CEACAM6: variants seen among roughly 807,000 people sequenced by gnomAD.
The protein encoded by CEACAM6 is cell adhesion molecule CEACAM6.
A neutral mutation model predicts 32.4 loss-of-function variants in CEACAM6; 21 were observed. That is an observed-to-expected ratio of 0.65 (90% CI 0.46 to 0.93). CEACAM6 has a LOEUF of 0.93. Among genes scored for constraint, CEACAM6 ranks in the 40% least tolerant of loss-of-function variants. The pLI is 0.00. For missense variants in CEACAM6, 406 were observed against 432.2 expected (o/e 0.94, Z 0.54); for synonymous variants, 184 against 174.4 (o/e 1.06, Z -0.43).
intron 5 of CEACAM6, among the ~76,000 whole-genome samples, chr19:41,770,308 A>G (rs562097249): frequency 6.6e-6 from 1 of 150,864 alleles, no homozygotes; most frequent in East Asian, 2.0e-4. Flanking sequence ...CTGTAATCCC[A>G]GTTACTCGGG....
At position 41,766,317 on chromosome 19, in the gene CEACAM6, C is replaced by A; in HGVS notation, c.*40+18C>A. Reference sequence around the variant, plus strand: ...ACTGGCAGGTATGATCGCCTTTCCTCTTGCCATGTTTCCTGCAGGGCTGAC... The same window carrying A: ...ACTGGCAGGTATGATCGCCTTTCCTATTGCCATGTTTCCTGCAGGGCTGAC... On this transcript the variant is annotated intron_variant, in intron 5 of 5. Transcript: ENST00000199764. 1 of 1,342,708 alleles carries A rather than the reference C, an allele frequency of 7.4e-7. No individual in the cohort carries two copies. The highest frequency in any genetic ancestry group is 1.0e-6 in the Non-Finnish European group (1 of 972,122). The allele number at this position is 1,342,708 out of a possible 1,614,324, so 83.2% of individuals were successfully genotyped here.
Position 41,766,243 on chromosome 19 carries a change from G to T in CEACAM6, c.1019G>T (p.Arg340Met), listed in dbSNP as rs782283094. ...GGCATCACGATTGGAGTGCTGGCCA[G>T]GGTGGCTCTGATATAGCAGCCCTGG... ...TVGITIGVLARVALI is the reference protein window; with the variant it reads ...TVGITIGVLAMVALI The change falls in exon 5 of 6, where the codon AGG becomes ATG. Residue 340 changes from arginine (R) to methionine (M), a missense_variant. By Grantham distance (91) the Arg-to-Met change is moderately conservative. Transcript: ENST00000199764. 2 of 1,602,130 alleles carry T rather than the reference G, an allele frequency of 1.2e-6. No individual in the cohort carries two copies. The highest frequency in any genetic ancestry group is 4.6e-5 in the East Asian group (2 of 43,574).
Position 41,769,224 on chromosome 19 carries a change from CA to C in CEACAM6, c.*41-1577del, listed in dbSNP as rs2072977227. 2.0e-5 allele frequency among the ~76,000 whole-genome samples: 3 copies of C among 152,292 alleles called. No homozygotes were observed. In the South Asian group the frequency reaches 6.2e-4, roughly 32 times the overall value. On this transcript the variant is annotated intron_variant, in intron 5 of 5. Transcript: ENST00000199764. ...CCTCCCAAAGTGCTCGGATTACAGG[CA>C]TGAACCACCGCGCCCAGCCCCGACA... is the stretch of plus-strand genomic sequence containing the variant.
At chr19:41,770,731 A>G (rs1555822910) in intron 5 of CEACAM6, 71 bp from the exon 6 acceptor site, 1 of 152,208 alleles carries the variant, frequency 6.6e-6, no homozygotes, top group Admixed American at 6.5e-5. Flanking sequence ...TATGTTGAAA[A>G]AAACTATAGT....
At chr19:41,770,239 GTC>G (rs2072985235) in intron 5 of CEACAM6, among the ~76,000 whole-genome samples, 1 of 134,430 alleles carries the variant, frequency 7.4e-6, no homozygotes, top group Non-Finnish European at 1.5e-5. Context: ...GCAAAACCTC[GTC>G]TCTGCTAAAA....
intron 4 of CEACAM6, among the ~76,000 whole-genome samples, chr19:41,763,691 G>C (rs1200215501): frequency 6.6e-6 from 1 of 152,180 alleles, no homozygotes; most frequent in African/African-American, 2.4e-5. Context: ...TAAGGACTTG[G>C]GTGGACTGAG....
Position 41,756,453 on chromosome 19 carries a change from GACACACACACACACACACAC to G in CEACAM6, c.65-126_65-107del, listed in dbSNP as rs4060857. Reference sequence around the variant, plus strand: ...CACACTGCTGACTTTGACTCAGTAGGACACACACACACACACACACACACACACACACACACACACGCTCC... The same window carrying G: ...CACACTGCTGACTTTGACTCAGTAGGACACACACACACACACACACGCTCC... On this transcript the variant is annotated intron_variant, in intron 1 of 5. Transcript: ENST00000199764. 3,464 of 920,686 alleles carry G rather than the reference GACACACACACACACACACAC, an allele frequency of 3.8e-3. 73 individuals carry two copies. The African/African-American group carries it at 0.05, about 13-fold the overall frequency. 57.0% of individuals were successfully genotyped at this position (920,686 alleles called of 1,614,324 possible).
rs2072929007 is a variant in CEACAM6 at position 41,762,122 on chromosome 19, T to C, written c.857T>C (p.Ile286Thr). The C allele has an allele frequency of 6.2e-7, 1 of 1,614,094 alleles. No homozygotes were observed. Among genetic ancestry groups the C allele is most frequent in the Non-Finnish European group, 8.5e-7 (1 of 1,180,030 alleles). The change falls in exon 4 of 6, where the codon ATC becomes ACC. Residue 286 changes from isoleucine to threonine, a missense_variant. Coordinates refer to ENST00000199764, the MANE Select transcript of CEACAM6 (RefSeq NM_002483.7). The stretch of plus-strand genomic sequence containing the variant: ...CAGCAATCCACACAAGAGCTCTTTA[T>C]CCCCAACATCACTGTGAATAATAGC... ...TFQQSTQELF[I>T]PNITVNNSGS...
chr19:41,770,481 C>T (rs533923396), intron 5 of CEACAM6, among the ~76,000 whole-genome samples: 2 of 151,782 alleles, frequency 1.3e-5, no homozygotes, highest in South Asian at 4.2e-4. Context: ...TACTCCTATT[C>T]AAGGAGAATC....
rs1477540033 is a variant in CEACAM6, at chr19:41,756,672, C to G, written c.137C>G (p.Ala46Gly). The G allele has an allele frequency of 1.2e-6, 2 of 1,614,136 alleles. No individual in the cohort carries two copies. Among genetic ancestry groups the G allele is most frequent in the African/African-American group, 1.3e-5 (1 of 75,008 alleles). Residue 46 changes from alanine (A) to glycine (G), a missense_variant, in exon 2 of 6, where the codon GCA becomes GGA. Transcript: ENST00000199764. ...ATTGAATCCACGCCGTTCAATGTCG[C>G]AGAGGGGAAGGAGGTTCTTCTACTC... is the stretch of plus-strand genomic sequence containing the variant. ...LTIESTPFNV[A>G]EGKEVLLLAH...
chr19:41,759,615 G>T (rs1332259824), intron 2 of CEACAM6, among the ~76,000 whole-genome samples: 1 of 152,066 alleles, frequency 6.6e-6, no homozygotes, highest in African/African-American at 2.4e-5. Context: ...TTCATTTGAC[G>T]ACAATATGAT....
intron 3 of CEACAM6, 139 bp from the exon 4 acceptor site, chr19:41,761,830 C>A: frequency 1.7e-6 from 2 of 1,146,826 alleles, no homozygotes; most frequent in Non-Finnish European, 2.5e-6. Flanking sequence ...CAGACTTTGG[C>A]TCAGGGGACA....
At chr19:41,769,164 C>T (rs1273068849) in intron 5 of CEACAM6, among the ~76,000 whole-genome samples, 8 of 152,120 alleles carry the variant, frequency 5.3e-5, no homozygotes, top group Admixed American at 3.3e-4. Flanking sequence ...AGGCTGGTCT[C>T]GAACTCCTGA....
At chr19:41,767,115 A>G (rs551228982) in intron 5 of CEACAM6, among the ~76,000 whole-genome samples, 1 of 151,822 alleles carries the variant, frequency 6.6e-6, no homozygotes, top group Admixed American at 6.6e-5. Context: ...TCTACTTCCC[A>G]GTATAATTCC....
chr19:41,755,638 C>A lies in CEACAM6; in HGVS notation c.-1C>A. The A allele has an allele frequency of 4.3e-6, 7 of 1,611,850 alleles. No individual in the cohort carries two copies. Among genetic ancestry groups the A allele is most frequent in the Non-Finnish European group, 5.9e-6 (7 of 1,178,942 alleles). Reference sequence around the variant, plus strand: ...GGTGGACAGAGAAGACAGCAGAGACCATGGGACCCCCCTCAGCCCCTCCCT... The same window carrying A: ...GGTGGACAGAGAAGACAGCAGAGACAATGGGACCCCCCTCAGCCCCTCCCT... On this transcript the variant is annotated 5_prime_UTR_variant, in exon 1 of 6. Transcript: ENST00000199764.
At chr19:41,758,844 C>CA in intron 2 of CEACAM6, among the ~76,000 whole-genome samples, 1 of 152,318 alleles carries the variant, frequency 6.6e-6, no homozygotes, top group East Asian at 1.9e-4. Context: ...AGAGAAGGCA[C>CA]AGAAATCAGC....
chr19:41,768,397 A>G (rs979539701), intron 5 of CEACAM6, among the ~76,000 whole-genome samples: 2 of 152,248 alleles, frequency 1.3e-5, no homozygotes, highest in Non-Finnish European at 2.9e-5. Flanking sequence ...CACATGTTTC[A>G]GAGAGCACAA....
At chr19:41,757,499 G>T (rs1304849344) in intron 2 of CEACAM6, among the ~76,000 whole-genome samples, 1 of 152,158 alleles carries the variant, frequency 6.6e-6, no homozygotes, top group Non-Finnish European at 1.5e-5. Flanking sequence ...TCACCAGCCA[G>T]GTCCGAGCAC....
intron 4 of CEACAM6, among the ~76,000 whole-genome samples, chr19:41,763,956 C>T (rs10418434): frequency 0.53 from 80,135 of 152,038 alleles, 21,513 homozygotes; most frequent in Middle Eastern, 0.68. Context: ...GGACTTAAAA[C>T]ACTATGTTGA....
Sources: gnomAD v4.1 joint callset for allele counts (sites outside exome capture counted in the v4.1 genomes callset) on GRCh38, gnomAD v4.1.1 for gene constraint, MANE v1.5 for transcripts, NCBI Gene and HGNC (gene_info 2026-07-23, HGNC 2026-07-21) for gene names.